Variants in ARHGAP30 observed in about 807,000 individuals in gnomAD.
The protein encoded by ARHGAP30 is rho GTPase-activating protein 30.
ARHGAP30 carries 23 observed loss-of-function variants against 72.0 expected under a neutral mutation model. The observed-to-expected ratio is 0.32, with a 90% CI of 0.23 to 0.45. The LOEUF is 0.45. Ranked by LOEUF, ARHGAP30 falls within the 20% of genes least tolerant of loss-of-function variation. ARHGAP30 has a pLI of 1.00. For synonymous variants in ARHGAP30, 576 were observed against 528.2 expected, an observed-to-expected ratio of 1.09 and a Z score of -1.24; for missense variants, 1,319 against 1,383.4, an observed-to-expected ratio of 0.95 and a Z score of 0.74.
In ARHGAP30 at chr1:161,049,266, G is replaced by T; in HGVS notation, c.1755C>A (p.Ala585=). 6.2e-7 allele frequency: 1 copy of T among 1,614,048 alleles called. No individual in the cohort carries two copies. The highest frequency in any genetic ancestry group is 8.5e-7 in the Non-Finnish European group (1 of 1,180,008). The change falls in exon 12 of 12, where the codon GCC becomes GCA. Residue 585 remains alanine, a synonymous_variant. Coordinates refer to ENST00000368013, the MANE Select transcript of ARHGAP30 (RefSeq NM_001025598.2). ...CGGAGTCCAGGGAACAGCAGCTGGG[G>T]GCCAAGACAAACTGTGCCTCATCCA... ...LSLDEAQFVL[A]PSCCSLDSAG...
At position 161,048,981 on chromosome 1, in the gene ARHGAP30, C is replaced by T. The variant is rs745961537; in HGVS notation, c.2040G>A (p.Glu680=). 6.2e-7 allele frequency: 1 copy of T among 1,613,870 alleles called. No individual in the cohort carries two copies. Among genetic ancestry groups the T allele is most frequent in the Non-Finnish European group, 8.5e-7 (1 of 1,180,038 alleles). Residue 680 remains glutamate (E), a synonymous_variant, in exon 12 of 12, where the codon GAG becomes GAA. Coordinates refer to ENST00000368013, the MANE Select transcript of ARHGAP30 (RefSeq NM_001025598.2). ...DIREEAEGSP[E]TKVEAGKASE... is the part of the protein sequence containing the mutation. The stretch of plus-strand genomic sequence containing the variant: ...TGGCCTTTCCAGCCTCCACCTTGGT[C>T]TCTGGACTTCCCTCTGCCTCTTCCC...
In ARHGAP30 at chr1:161,053,483, TC is replaced by T. The variant is rs1461784080; in HGVS notation, c.537-99del. The T allele has an allele frequency of 1.8e-4, 224 of 1,224,420 alleles. 1 individual carries two copies. Among genetic ancestry groups the T allele is most frequent in the African/African-American group, 1.1e-3 (67 of 58,724 alleles). The allele number at this position is 1,224,420 out of a possible 1,614,324, so 75.8% of individuals were successfully genotyped here. On this transcript the variant is annotated intron_variant, in intron 5 of 11. Transcript: ENST00000368013. ...CTTATTCTCTCTCTCTCTCTCTCTC[TC>T]TCTCTCTCTCTCTCTCTCTCTCGAA... is the stretch of plus-strand genomic sequence containing the variant.
Position 161,059,726 on chromosome 1 carries a change from C to G in ARHGAP30, c.98-10G>C, listed in dbSNP as rs777038648. 7.5e-6 allele frequency: 12 copies of G among 1,607,696 alleles called. No homozygotes were observed. In the Admixed American group the frequency reaches 1.3e-4, roughly 18 times the overall value. ...TTTAGCACCTGGGGCACTGGGGACA[C>G]AGACGGGGCAGAGACATAGAAATCA... is the stretch of plus-strand genomic sequence containing the variant. On this transcript the variant is annotated splice_polypyrimidine_tract_variant and intron_variant, in intron 1 of 11. Coordinates refer to ENST00000368013, the MANE Select transcript of ARHGAP30 (RefSeq NM_001025598.2).
At chr1:161,050,052 A>T (rs1470328396) in intron 10 of ARHGAP30, among the ~76,000 whole-genome samples, 1 of 152,090 alleles carries the variant, frequency 6.6e-6, no homozygotes, top group Non-Finnish European at 1.5e-5. Context: ...AGTCTACTTA[A>T]CTCTATAGCC....
At chr1:161,051,013 A>G (rs2102032588) in intron 10 of ARHGAP30, among the ~76,000 whole-genome samples, 1 of 152,310 alleles carries the variant, frequency 6.6e-6, no homozygotes, top group African/African-American at 2.4e-5. Flanking sequence ...CCATCCATCT[A>G]TTATATATTC....
In ARHGAP30 at chr1:161,046,980, C is replaced by T. The variant is rs1650884313; in HGVS notation, c.*735G>A. On this transcript the variant is annotated 3_prime_UTR_variant, in exon 12 of 12. Coordinates refer to ENST00000368013, the MANE Select transcript of ARHGAP30 (RefSeq NM_001025598.2). ...ACAGCTTTTATTCTGAGACATTGAC[C>T]TTCACTAGAGTGGGACCTGTGGCCC... 3 of 470,224 alleles carry T rather than the reference C, an allele frequency of 6.4e-6. No homozygotes were observed. The highest frequency in any genetic ancestry group is 2.0e-5 in the African/African-American group (1 of 50,022). 29.1% of individuals were successfully genotyped at this position (470,224 alleles called of 1,614,324 possible).
chr1:161,063,298 A>G (rs1189565489), intron 1 of ARHGAP30, among the ~76,000 whole-genome samples: 1 of 152,274 alleles, frequency 6.6e-6, no homozygotes, highest in Admixed American at 6.5e-5. Context: ...GACCGGCTGA[A>G]GCCATGGCAG....
intron 3 of ARHGAP30, among the ~76,000 whole-genome samples, chr1:161,054,929 T>C (rs148929813): frequency 3.5e-3 from 530 of 152,240 alleles, no homozygotes; most frequent in Non-Finnish European, 6.2e-3. Context: ...TTTTGTGAAC[T>C]TGGCAACTCG....
In ARHGAP30 at chr1:161,055,056, C is replaced by A. The variant is rs1156229187; in HGVS notation, c.346-351G>T. On this transcript the variant is annotated intron_variant, in intron 3 of 11. Coordinates refer to ENST00000368013, the MANE Select transcript of ARHGAP30 (RefSeq NM_001025598.2). ...CAGTGTGTCCAGGAAAGCTGTCCCCCACCCCAACCTAGCCGGTGTGGACTG... is the reference window on the plus strand; with the variant it reads ...CAGTGTGTCCAGGAAAGCTGTCCCCAACCCCAACCTAGCCGGTGTGGACTG... Among the ~76,000 whole-genome samples the A allele has an allele frequency of 3.3e-5, 5 of 152,206 alleles. No homozygotes were observed. The South Asian group carries it at 6.2e-4, about 19-fold the overall frequency.
chr1:161,053,073 A>T, intron 6 of ARHGAP30, 185 bp downstream of exon 6: 1 of 964,992 alleles, frequency 1.0e-6, no homozygotes, highest in Non-Finnish European at 1.5e-6. Flanking sequence ...GCCATGCCCT[A>T]GACTGACAGC....
chr1:161,053,940 T>C (rs547287434), intron 5 of ARHGAP30, among the ~76,000 whole-genome samples: 1 of 152,258 alleles, frequency 6.6e-6, no homozygotes, highest in South Asian at 2.1e-4. Context: ...TGGTGGCTCA[T>C]GCCTGTAATC....
At chr1:161,053,013 A>C (rs1406918069) in intron 6 of ARHGAP30, 12 of 842,960 alleles carry the variant, frequency 1.4e-5, no homozygotes, top group South Asian at 1.1e-4. Flanking sequence ...CTGGGGGTGG[A>C]TATGAGCCAT....
chr1:161,057,611 T>A (rs1014671266), intron 2 of ARHGAP30, among the ~76,000 whole-genome samples: 1 of 151,826 alleles, frequency 6.6e-6, no homozygotes, highest in African/African-American at 2.4e-5. Context: ...GCACTCTAGC[T>A]TGGGTGACAG....
Position 161,060,425 on chromosome 1 carries a change from A to G in ARHGAP30, c.98-709T>C, listed in dbSNP as rs542551109. Among the ~76,000 whole-genome samples, 4 of 152,012 alleles carry G rather than the reference A, an allele frequency of 2.6e-5. No homozygotes were observed. In the South Asian group the frequency reaches 8.3e-4, roughly 32 times the overall value. ...AGCCTGACCAACATGGTGAAACCCC[A>G]TCTCTACTAAAAACTACAAAAACTA... is the stretch of plus-strand genomic sequence containing the variant. On this transcript the variant is annotated intron_variant, in intron 1 of 11. Coordinates refer to ENST00000368013, the MANE Select transcript of ARHGAP30 (RefSeq NM_001025598.2).
chr1:161,069,836 T>A lies in ARHGAP30; in HGVS notation c.-212A>T. On this transcript the variant is annotated 5_prime_UTR_variant, in exon 1 of 12. Transcript: ENST00000368013. The surrounding 1 kb of genome is among the most constrained non-coding windows in gnomAD (Gnocchi z 4.9). ...CGGAAGTGGCTGTTGAAGAGGAAGC[T>A]ACCAGGACCCTGGCAAGAAATTGTG... 1 of 582,602 alleles carries A rather than the reference T, an allele frequency of 1.7e-6. No individual in the cohort carries two copies. Among genetic ancestry groups the A allele is most frequent in the East Asian group, 2.8e-5 (1 of 35,252 alleles). The allele number at this position is 582,602 out of a possible 1,614,324, so 36.1% of individuals were successfully genotyped here.
chr1:161,047,978 C>T lies in ARHGAP30; in HGVS notation c.3043G>A (p.Val1015Ile). Residue 1015 changes from valine (V) to isoleucine (I), a missense_variant, in exon 12 of 12, where the codon GTT (valine) becomes ATT (isoleucine). By Grantham distance (29) the Val-to-Ile change is conservative. Transcript: ENST00000368013. Reference sequence around the variant, plus strand: ...TCAGTACAGGTCTGGGTTCGCCGAACTCCTTGAGCCTCAGTCCTTTGGCGG... The same window carrying T: ...TCAGTACAGGTCTGGGTTCGCCGAATTCCTTGAGCCTCAGTCCTTTGGCGG... ...RDRQRTEAQG[V>I]RRTQTCTEGG... The T allele has an allele frequency of 6.2e-7, 1 of 1,614,162 alleles. No individual in the cohort carries two copies. The highest frequency in any genetic ancestry group is 1.1e-5 in the South Asian group (1 of 91,082).
At chr1:161,068,333 G>A (rs1030412141) in intron 1 of ARHGAP30, among the ~76,000 whole-genome samples, 4 of 152,174 alleles carry the variant, frequency 2.6e-5, no homozygotes, top group African/African-American at 9.7e-5. Flanking sequence ...AAATAAGCTC[G>A]CTTCAGCTGT....
In ARHGAP30 at chr1:161,047,922, G is replaced by C. The variant is rs757908896; in HGVS notation, c.3099C>G (p.Thr1033=). The C allele has an allele frequency of 1.2e-6, 2 of 1,613,226 alleles. No homozygotes were observed. The highest frequency in any genetic ancestry group is 1.1e-5 in the South Asian group (1 of 91,026). Residue 1033 remains threonine, a synonymous_variant, in exon 12 of 12, where the codon ACC becomes ACG. Coordinates refer to ENST00000368013, the MANE Select transcript of ARHGAP30 (RefSeq NM_001025598.2). ...GGGCAGAGATCATGCTACAAGGGGA[G>C]GTTCTGGGGATGAGGCAGTAATCCC... is the stretch of plus-strand genomic sequence containing the variant. ...EGGDYCLIPR[T]SPCSMISAHS... is the part of the protein sequence containing the mutation.
In ARHGAP30 at chr1:161,054,718, A is replaced by T; in HGVS notation, c.346-13T>A. 1.2e-6 allele frequency: 2 copies of T among 1,613,302 alleles called. No homozygotes were observed. The highest frequency in any genetic ancestry group is 2.2e-5 in the South Asian group (2 of 91,072). On this transcript the variant is annotated splice_polypyrimidine_tract_variant and intron_variant, in intron 3 of 11. Coordinates refer to ENST00000368013, the MANE Select transcript of ARHGAP30 (RefSeq NM_001025598.2). ...CTCCTACAGCCTCCTGATTGAGAAG[A>T]GTGCAAGAAGCAGGAATCAGTGACC... is the stretch of plus-strand genomic sequence containing the variant.
Sources: allele counts gnomAD v4.1 joint callset (sites outside exome capture counted in the v4.1 genomes callset), GRCh38; gene constraint gnomAD v4.1.1; non-coding constraint Gnocchi (gnomAD v3.1); transcripts MANE v1.5; gene names NCBI Gene and HGNC (gene_info 2026-07-23, HGNC 2026-07-21).